Variants in BMPR1B observed in about 807,000 individuals in gnomAD.
BMPR1B encodes bone morphogenetic protein receptor type 1B.
Under a neutral mutation model 59.1 loss-of-function variants are expected in BMPR1B, and 12 were observed. That is an observed-to-expected ratio of 0.20 (90% CI 0.13 to 0.33). The LOEUF (loss-of-function observed/expected upper bound fraction) is 0.33. Ranked by LOEUF, BMPR1B falls within the 10% of genes least tolerant of loss-of-function variation. The probability of loss-of-function intolerance (pLI) is 1.00; values close to 1 mark genes in which losing one functional copy is unlikely to be tolerated. For synonymous variants in BMPR1B, 237 were observed against 207.3 expected (o/e 1.14, Z -1.23); for missense variants, 550 against 610.9 (o/e 0.90, Z 1.05).
chr4:94,876,686 A>G (rs184137616), intron 2 of BMPR1B, among the ~76,000 whole-genome samples: 13 of 152,304 alleles, frequency 8.5e-5, no homozygotes, highest in African/African-American at 3.1e-4. Flanking sequence ...TCAGTGCTAT[A>G]CTGAAAACCG....
At chr4:94,841,635 C>T (rs1053054679) in intron 1 of BMPR1B, among the ~76,000 whole-genome samples, 6 of 152,098 alleles carry the variant, frequency 3.9e-5, no homozygotes, top group East Asian at 1.9e-4. Context: ...ACACGGTGCG[C>T]GCACCCACTG....
intron 1 of BMPR1B, among the ~76,000 whole-genome samples, chr4:94,857,149 C>G (rs17582232): frequency 0.29 from 43,653 of 151,750 alleles, 6,656 homozygotes; most frequent in East Asian, 0.42. Flanking sequence ...GAACTAAAAT[C>G]CAGTCTGAGA....
chr4:94,781,756 T>C (rs1387265064), intron 1 of BMPR1B, among the ~76,000 whole-genome samples: 3 of 152,230 alleles, frequency 2.0e-5, no homozygotes, highest in Non-Finnish European at 4.4e-5. Context: ...TTTCGAAAGA[T>C]AGTTTTAGTG....
chr4:94,909,061 G>T (rs940776196), intron 2 of BMPR1B, among the ~76,000 whole-genome samples: 1 of 151,948 alleles, frequency 6.6e-6, no homozygotes, highest in Non-Finnish European at 1.5e-5. Context: ...GATCACTGGT[G>T]GTGTTTGGTT....
chr4:94,786,610 C>T (rs548974434), intron 1 of BMPR1B, among the ~76,000 whole-genome samples: 9 of 152,320 alleles, frequency 5.9e-5, no homozygotes, highest in Non-Finnish European at 1.3e-4. Context: ...GCGATCTCAG[C>T]TCACTGCAAG....
At chr4:94,764,547 C>T (rs1721897649) in intron 1 of BMPR1B, among the ~76,000 whole-genome samples, 1 of 152,120 alleles carries the variant, frequency 6.6e-6, no homozygotes. Context: ...TTATCAGGAG[C>T]TGTGTCAATT....
rs58369445 is a variant in BMPR1B at position 94,846,845 on chromosome 4, CA to C, written c.-182-28974del. The stretch of plus-strand genomic sequence containing the variant: ...TGACACCCCAGACTGTGAAACTACT[CA>C]AAAAAAAAAAACGTTGGGGAAACTC... On this transcript the variant is annotated intron_variant, in intron 1 of 12. Transcript: ENST00000515059. 2.7e-4 allele frequency among the ~76,000 whole-genome samples: 40 copies of C among 148,144 alleles called. No individual in the cohort carries two copies. The South Asian group carries it at 4.2e-3, about 16-fold the overall frequency.
chr4:94,801,439 C>T (rs1723402514), intron 1 of BMPR1B, among the ~76,000 whole-genome samples: 1 of 152,168 alleles, frequency 6.6e-6, no homozygotes, highest in Non-Finnish European at 1.5e-5. Context: ...AAAGAGAAAT[C>T]ACCGTCACTG....
rs756715577 is a variant in BMPR1B at position 95,052,177 on chromosome 4, TTCA to T, written c.-17-52223_-17-52221del. ...ATAGGTTAGCTAGTTTTCTTTGAAG[TTCA>T]TCATCATTTTTATATGGATGCATTG... is the stretch of plus-strand genomic sequence containing the variant. On this transcript the variant is annotated intron_variant, in intron 3 of 12. Transcript: ENST00000515059. Among the ~76,000 whole-genome samples the T allele has an allele frequency of 5.3e-5, 8 of 152,318 alleles. No homozygotes were observed. The East Asian group carries it at 7.7e-4, about 15-fold the overall frequency.
chr4:94,970,087 T>C (rs1730714544), intron 2 of BMPR1B, among the ~76,000 whole-genome samples: 2 of 152,172 alleles, frequency 1.3e-5, no homozygotes, highest in Admixed American at 1.3e-4. Flanking sequence ...TTATATATCT[T>C]GTTTTATTTT....
chr4:94,793,977 A>G (rs1249906035), intron 1 of BMPR1B, among the ~76,000 whole-genome samples: 1 of 148,196 alleles, frequency 6.7e-6, no homozygotes, highest in Non-Finnish European at 1.5e-5. Flanking sequence ...TTGCCTGTTC[A>G]CTCTGATGGT....
At chr4:95,046,145 G>A (rs1726044189) in intron 3 of BMPR1B, among the ~76,000 whole-genome samples, 1 of 152,044 alleles carries the variant, frequency 6.6e-6, no homozygotes, top group South Asian at 2.1e-4. Flanking sequence ...GCTCAATCAA[G>A]CAGCCCTCTT....
Position 95,121,013 on chromosome 4 carries a change from G to A in BMPR1B, c.350-2797G>A, listed in dbSNP as rs571561127. On this transcript the variant is annotated intron_variant, in intron 6 of 12. Coordinates refer to ENST00000515059, the MANE Select transcript of BMPR1B (RefSeq NM_001203.3). ...TGTAGAGACGGGGTTTTGCCATGTT[G>A]GCCAGGCTGGTCTTGAACTCCTGAA... 4.6e-5 allele frequency among the ~76,000 whole-genome samples: 7 copies of A among 152,140 alleles called. No homozygotes were observed. The South Asian group carries it at 1.5e-3, about 32-fold the overall frequency.
intron 2 of BMPR1B, among the ~76,000 whole-genome samples, chr4:94,976,528 C>T (rs939373426): frequency 6.6e-6 from 1 of 152,190 alleles, no homozygotes; most frequent in Non-Finnish European, 1.5e-5. Context: ...TGCCCTCAAA[C>T]CCCCCATGTC....
At chr4:95,035,014 C>G (rs751523677) in intron 3 of BMPR1B, among the ~76,000 whole-genome samples, 1 of 152,082 alleles carries the variant, frequency 6.6e-6, no homozygotes, top group Non-Finnish European at 1.5e-5. Context: ...TTTTAATTTG[C>G]ATTTCCCTGG....
At chr4:95,122,691 T>C (rs935691946) in intron 6 of BMPR1B, among the ~76,000 whole-genome samples, 1 of 152,188 alleles carries the variant, frequency 6.6e-6, no homozygotes, top group African/African-American at 2.4e-5. Flanking sequence ...TTTGGTTAGT[T>C]GATCCTTTTC....
intron 2 of BMPR1B, among the ~76,000 whole-genome samples, chr4:94,962,555 C>G (rs1170784421): frequency 1.3e-5 from 2 of 151,986 alleles, no homozygotes; most frequent in Non-Finnish European, 2.9e-5. Context: ...TTTTTAGCTC[C>G]CACATATGAA....
intron 3 of BMPR1B, among the ~76,000 whole-genome samples, chr4:95,001,548 A>T (rs140694821): frequency 6.6e-6 from 1 of 152,332 alleles, no homozygotes; most frequent in East Asian, 1.9e-4. Flanking sequence ...AAAAGATAGA[A>T]GCTAAAAAAC....
chr4:94,906,774 A>G (rs1728057978), intron 2 of BMPR1B, among the ~76,000 whole-genome samples: 1 of 152,078 alleles, frequency 6.6e-6, no homozygotes, highest in Non-Finnish European at 1.5e-5. Flanking sequence ...ACTGATTACT[A>G]ATGCAAAGAG....
Sources: gnomAD v4.1 joint callset for allele counts (sites outside exome capture counted in the v4.1 genomes callset) on GRCh38, gnomAD v4.1.1 for gene constraint, MANE v1.5 for transcripts, NCBI Gene and HGNC (gene_info 2026-07-23, HGNC 2026-07-21) for gene names.